The following ARHGEF18 variants were observed in gnomAD, a reference collection of about 807,000 sequenced individuals.
ARHGEF18 encodes the protein rho guanine nucleotide exchange factor 18.
Under a neutral mutation model 155.7 loss-of-function variants are expected in ARHGEF18, and 93 were observed. The ratio of observed to expected loss-of-function variants is 0.60; its 90% CI spans 0.50 to 0.71. The LOEUF (loss-of-function observed/expected upper bound fraction) is 0.71, where lower values mean the gene tolerates loss of function less well. Among genes scored for constraint, ARHGEF18 ranks in the 30% least tolerant of loss-of-function variants. ARHGEF18 has a pLI of 0.00. For synonymous variants in ARHGEF18, 742 were observed against 753.1 expected (o/e 0.99, Z 0.24); for missense variants, 1,593 against 1,816.1 (o/e 0.88, Z 2.23).
intron 10 of ARHGEF18, chr19:7,439,725 C>A (rs900711389): frequency 1.5e-6 from 2 of 1,334,524 alleles, no homozygotes. Flanking sequence ...CTTAGAGTCA[C>A]CCTAACATCT....
At chr19:7,428,056 A>G (rs1973759209) in intron 10 of ARHGEF18, among the ~76,000 whole-genome samples, 1 of 152,234 alleles carries the variant, frequency 6.6e-6, no homozygotes. Flanking sequence ...ACAGAACTTA[A>G]ATAAACAGTA....
chr19:7,351,855 T>C (rs1345780721), intron 1 of ARHGEF18, among the ~76,000 whole-genome samples: 1 of 151,906 alleles, frequency 6.6e-6, no homozygotes, highest in Non-Finnish European at 1.5e-5. Flanking sequence ...CCACCACACC[T>C]GGCTAATTTT....
chr19:7,367,880 ATATTT>A lies in ARHGEF18; in HGVS notation c.16-4928_16-4924del, dbSNP rs1250312834. ...TACACATATATATTTTTATATATAT[ATATTT>A]TATATATATTTTTTATATATATATA... On this transcript the variant is annotated intron_variant, in intron 2 of 28. Coordinates refer to ENST00000668164, the MANE Select transcript of ARHGEF18 (RefSeq NM_001367823.1). Among the ~76,000 whole-genome samples, 2 of 40,792 alleles carry A rather than the reference ATATTT, an allele frequency of 4.9e-5. 1 individual carries two copies. Among genetic ancestry groups the A allele is most frequent in the African/African-American group, 3.4e-4 (2 of 5,916 alleles). The allele number at this position is 40,792 out of a possible 152,430, so 26.8% of individuals were successfully genotyped here. A position where few individuals can be genotyped will look rare whatever the true frequency, so the allele number is the denominator to read the frequency against.
intron 2 of ARHGEF18, 134 bp downstream of exon 2, chr19:7,363,039 T>A: frequency 4.7e-6 from 5 of 1,070,298 alleles, no homozygotes; most frequent in Non-Finnish European, 6.0e-6. Context: ...ACTTGCAAAG[T>A]CATTTATTAT....
intron 2 of ARHGEF18, among the ~76,000 whole-genome samples, chr19:7,370,071 C>T (rs975834344): frequency 2.0e-5 from 3 of 151,962 alleles, no homozygotes; most frequent in Non-Finnish European, 2.9e-5. Context: ...GTGGTGCACA[C>T]CTGTAATCCC....
chr19:7,467,412 T>C lies in ARHGEF18; in HGVS notation c.3208T>C (p.Trp1070Arg), dbSNP rs1457648888. Reference sequence around the variant, plus strand: ...CCAGCTGCGGCACGAGCAGCAGCGCTGGGAGCGCGAGCGCCAGTGGCAGCA... The same window carrying C: ...CCAGCTGCGGCACGAGCAGCAGCGCCGGGAGCGCGAGCGCCAGTGGCAGCA... The part of the protein sequence containing the change: ...QSQLRHEQQR[W>R]ERERQWQHQE... Residue 1070 changes from tryptophan (W) to arginine (R), a missense_variant, in exon 26 of 29, where the codon TGG becomes CGG. By Grantham distance (101) the Trp-to-Arg change is moderately radical. Transcript: ENST00000668164. 1 of 1,532,580 alleles carries C rather than the reference T, an allele frequency of 6.5e-7. No individual in the cohort carries two copies. Among genetic ancestry groups the C allele is most frequent in the Non-Finnish European group, 8.7e-7 (1 of 1,145,646 alleles). 94.9% of individuals were successfully genotyped at this position (1,532,580 alleles called of 1,614,324 possible).
chr19:7,404,894 T>C (rs1274271385), intron 10 of ARHGEF18, among the ~76,000 whole-genome samples: 1 of 152,092 alleles, frequency 6.6e-6, no homozygotes, highest in Admixed American at 6.6e-5. Flanking sequence ...ACACGTACAA[T>C]AATAGGATGC....
chr19:7,386,150 C>T (rs557389358), intron 10 of ARHGEF18, among the ~76,000 whole-genome samples: 1 of 150,010 alleles, frequency 6.7e-6, no homozygotes, highest in Non-Finnish European at 1.5e-5. Flanking sequence ...CTCACAAATA[C>T]CTGGGACCAC....
At chr19:7,467,020 CGT>C (rs1295744406) in intron 24 of ARHGEF18, 46 bp downstream of exon 24, 5 of 1,612,376 alleles carry the variant, frequency 3.1e-6, no homozygotes, top group Non-Finnish European at 3.4e-6. Context: ...TGTGCACGCG[CGT>C]GTGGCCTCAG....
At chr19:7,421,168 G>T (rs577544482) in intron 10 of ARHGEF18, among the ~76,000 whole-genome samples, 2 of 152,034 alleles carry the variant, frequency 1.3e-5, no homozygotes, top group South Asian at 4.1e-4. Flanking sequence ...CTGGGCTCAA[G>T]CGATCTGCCC....
intron 10 of ARHGEF18, among the ~76,000 whole-genome samples, chr19:7,412,353 T>C (rs1413140909): frequency 6.6e-6 from 1 of 151,568 alleles, no homozygotes; most frequent in Non-Finnish European, 1.5e-5. Flanking sequence ...CTGTCTTCCA[T>C]AGCAGCTGCC....
chr19:7,469,829 GC>G, intron 27 of ARHGEF18, 74 bp from the exon 28 acceptor site: 2 of 1,559,172 alleles, frequency 1.3e-6, no homozygotes, highest in Non-Finnish European at 1.7e-6. Flanking sequence ...AGGCCCCTCT[GC>G]TCTCGGAGGC....
chr19:7,391,403 C>T (rs55646376), intron 10 of ARHGEF18, among the ~76,000 whole-genome samples: 3,869 of 152,226 alleles, frequency 0.025, 166 homozygotes, highest in African/African-American at 0.088. Context: ...ACAGACACCA[C>T]GCCAGACAGT....
At chr19:7,474,966 G>A (rs982696128), downstream of ARHGEF18, among the ~76,000 whole-genome samples, 6 of 152,110 alleles carry the variant, frequency 3.9e-5, no homozygotes, top group South Asian at 1.0e-3. Context: ...GGGCACGGTG[G>A]CCCACGCCTA....
At chr19:7,371,509 C>T (rs920785650) in intron 2 of ARHGEF18, among the ~76,000 whole-genome samples, 2 of 151,826 alleles carry the variant, frequency 1.3e-5, no homozygotes, top group African/African-American at 4.8e-5. Context: ...ATTGTGAAAC[C>T]CCGTCTCTAA....
intron 10 of ARHGEF18, among the ~76,000 whole-genome samples, chr19:7,397,503 G>T (rs1040107242): frequency 4.6e-5 from 7 of 152,126 alleles, no homozygotes; most frequent in Non-Finnish European, 7.4e-5. Flanking sequence ...AGGCCCGGGG[G>T]GGGGCAGATC....
At chr19:7,364,523 G>A (rs191075401) in intron 2 of ARHGEF18, among the ~76,000 whole-genome samples, 1 of 152,232 alleles carries the variant, frequency 6.6e-6, no homozygotes, top group East Asian at 1.9e-4. Context: ...CATACCCTCT[G>A]CTCTCATCAC....
chr19:7,477,370 G>A (rs1413289436), downstream of ARHGEF18: 6 of 1,560,164 alleles, frequency 3.8e-6, no homozygotes, highest in Non-Finnish European at 5.2e-6. Flanking sequence ...CCAGGTTGCT[G>A]AGAAGTGACA....
chr19:7,467,036 G>A (rs764768914), intron 24 of ARHGEF18, 35 bp from the exon 25 acceptor site: 8 of 1,610,954 alleles, frequency 5.0e-6, no homozygotes, highest in Middle Eastern at 1.7e-4. Flanking sequence ...GCCTCAGCCC[G>A]ATAACTAGCA....
Sources: allele counts gnomAD v4.1 joint callset (sites outside exome capture counted in the v4.1 genomes callset), GRCh38; gene constraint gnomAD v4.1.1; transcripts MANE v1.5; gene names NCBI Gene and HGNC (gene_info 2026-07-23, HGNC 2026-07-21).